FSTL1: variants seen among roughly 807,000 people sequenced by gnomAD.
FSTL1 encodes the protein follistatin like 1.
Under a neutral mutation model 45.9 loss-of-function variants are expected in FSTL1, and 24 were observed. The observed-to-expected ratio is 0.52, with a 90% CI of 0.38 to 0.74. The LOEUF (loss-of-function observed/expected upper bound fraction) is 0.74, where lower values mean the gene tolerates loss of function less well. Ranked by LOEUF, FSTL1 falls within the 30% of genes least tolerant of loss-of-function variation. FSTL1 has a pLI of 0.00. For missense variants in FSTL1, 340 were observed against 381.8 expected (o/e 0.89, Z 0.91); for synonymous variants, 120 against 137.6 (o/e 0.87, Z 0.89).
rs762925495 is a variant in FSTL1 at position 120,439,278 on chromosome 3, C to A, written c.63+11406G>T. Among the ~76,000 whole-genome samples the A allele has an allele frequency of 1.8e-4, 27 of 152,304 alleles. No homozygotes were observed. The Middle Eastern group carries it at 0.01, about 58-fold the overall frequency. ...AATTCAGCTGGAGGCTGAGGAAATT[C>A]TGCTAATCCAGCAATCAGAAGGAAG... On this transcript the variant is annotated intron_variant, in intron 2 of 10. Coordinates refer to ENST00000295633, the MANE Select transcript of FSTL1 (RefSeq NM_007085.5).
Position 120,430,332 on chromosome 3 carries a change from C to T in FSTL1, c.64-14305G>A, listed in dbSNP as rs560366200. On this transcript the variant is annotated intron_variant, in intron 2 of 10. Coordinates refer to ENST00000295633, the MANE Select transcript of FSTL1 (RefSeq NM_007085.5). ...TCAACCCTGGTTTAAGGCTGGGAGTCCCTGGGCCAACATGCCTAATTTATT... is the reference window on the plus strand; with the variant it reads ...TCAACCCTGGTTTAAGGCTGGGAGTTCCTGGGCCAACATGCCTAATTTATT... 8.5e-5 allele frequency among the ~76,000 whole-genome samples: 13 copies of T among 152,298 alleles called. 1 individual carries two copies. Among genetic ancestry groups the T allele is most frequent in the African/African-American group, 3.1e-4 (13 of 41,558 alleles).
At position 120,409,571 on chromosome 3, in the gene FSTL1, T is replaced by C. The variant is rs775869850; in HGVS notation, c.423A>G (p.Lys141=). 5 of 1,613,888 alleles carry C rather than the reference T, an allele frequency of 3.1e-6. No homozygotes were observed. The highest frequency in any genetic ancestry group is 1.3e-5 in the African/African-American group (1 of 74,944). ...CTAGGATTTCACTGTAGTTGCTGCC[T>C]TTAGAGAACCAGCCATCTGGAATGA... ...AEIIPDGWFS[K]GSNYSEILDK... Residue 141 remains lysine, a synonymous_variant, in exon 6 of 11, where the codon AAA becomes AAG. Coordinates refer to ENST00000295633, the MANE Select transcript of FSTL1 (RefSeq NM_007085.5).
intron 2 of FSTL1, among the ~76,000 whole-genome samples, chr3:120,435,382 C>A (rs1043585333): frequency 3.3e-5 from 5 of 152,210 alleles, no homozygotes; most frequent in African/African-American, 1.2e-4. Context: ...GAGTTTCCCA[C>A]GTGCATCACC....
intron 2 of FSTL1, among the ~76,000 whole-genome samples, chr3:120,439,366 C>T (rs139674182): frequency 1.3e-4 from 20 of 152,324 alleles, no homozygotes; most frequent in African/African-American, 4.3e-4. Context: ...ACTTGTGCAA[C>T]AGCCCAAAGT....
chr3:120,404,380 A>G (rs1242077092), intron 7 of FSTL1, among the ~76,000 whole-genome samples: 1 of 152,246 alleles, frequency 6.6e-6, no homozygotes, highest in African/African-American at 2.4e-5. Context: ...ATTAGTTTTT[A>G]TTAATATTGA....
At chr3:120,408,981 C>G (rs1440445624) in intron 6 of FSTL1, among the ~76,000 whole-genome samples, 2 of 152,172 alleles carry the variant, frequency 1.3e-5, no homozygotes, top group East Asian at 3.8e-4. Context: ...CTCCTGCTCC[C>G]AAGTGGAACA....
At chr3:120,442,254 C>T (rs948840013) in intron 2 of FSTL1, among the ~76,000 whole-genome samples, 6 of 152,282 alleles carry the variant, frequency 3.9e-5, no homozygotes, top group Middle Eastern at 3.4e-3. Flanking sequence ...AAAGTGACTT[C>T]GGGGAGGTTA....
rs1325858000 is a variant in FSTL1 at position 120,411,970 on chromosome 3, T to A, written c.182A>T (p.His61Leu). ...TCLCIEQCKP[H>L]KRPVCGSNGK... ...ATTACTGCCACACACAGGCCTCTTG[T>A]GAGGTTTGCATTGCTGAAACAGACC... Residue 61 changes from histidine to leucine, a missense_variant, in exon 4 of 11, where the codon CAC (histidine) becomes CTC (leucine). Transcript: ENST00000295633. The A allele has an allele frequency of 1.2e-6, 2 of 1,612,300 alleles. No homozygotes were observed. Among genetic ancestry groups the A allele is most frequent in the Admixed American group, 3.3e-5 (2 of 59,928 alleles).
chr3:120,432,175 C>G (rs1733297), intron 2 of FSTL1, among the ~76,000 whole-genome samples: 1 of 152,132 alleles, frequency 6.6e-6, no homozygotes, highest in Non-Finnish European at 1.5e-5. Context: ...CTTTTTAAAA[C>G]ATTTTCTTGG....
intron 5 of FSTL1, chr3:120,410,196 G>T (rs774426664): frequency 6.2e-6 from 1 of 161,316 alleles, no homozygotes; most frequent in Non-Finnish European, 1.4e-5. Flanking sequence ...GGGCTACGTC[G>T]AAGCCCTGCT....
chr3:120,428,050 A>G (rs2107664618), intron 2 of FSTL1, among the ~76,000 whole-genome samples: 1 of 152,298 alleles, frequency 6.6e-6, no homozygotes, highest in South Asian at 2.1e-4. Flanking sequence ...CCCCGCCCTT[A>G]CACTGTCTTC....
At chr3:120,435,731 G>A (rs960484722) in intron 2 of FSTL1, among the ~76,000 whole-genome samples, 2 of 152,150 alleles carry the variant, frequency 1.3e-5, no homozygotes, top group African/African-American at 4.8e-5. Context: ...TACATTCCAG[G>A]CCACTGTAAC....
Position 120,404,009 on chromosome 3 carries a change from C to A in FSTL1, c.582-655G>T, listed in dbSNP as rs562551712. ...AAAAAACAAAACAAACAAAAAAAAA[C>A]TCAGCTCCATCACTTCTTTCTTGGG... On this transcript the variant is annotated intron_variant, in intron 7 of 10. Transcript: ENST00000295633. Among the ~76,000 whole-genome samples, 19 of 141,084 alleles carry A rather than the reference C, an allele frequency of 1.3e-4. 1 individual carries two copies. The highest frequency in any genetic ancestry group is 8.1e-3 in the Middle Eastern group (2 of 248). The allele number at this position is 141,084 out of a possible 152,430, so 92.6% of individuals were successfully genotyped here. A position where few individuals can be genotyped will look rare whatever the true frequency, so the allele number is the denominator to read the frequency against.
chr3:120,437,573 T>G (rs1367020757), intron 2 of FSTL1, among the ~76,000 whole-genome samples: 2 of 152,194 alleles, frequency 1.3e-5, no homozygotes, highest in African/African-American at 4.8e-5. Flanking sequence ...TCTATTTGTG[T>G]GTGTGTGTGC....
At chr3:120,427,312 T>C (rs940401293) in intron 2 of FSTL1, among the ~76,000 whole-genome samples, 2 of 152,206 alleles carry the variant, frequency 1.3e-5, no homozygotes, top group Admixed American at 1.3e-4. Flanking sequence ...TTTATTTTTT[T>C]AAAAACAGAA....
intron 2 of FSTL1, among the ~76,000 whole-genome samples, chr3:120,447,586 G>A (rs563101373): frequency 1.3e-5 from 2 of 152,256 alleles, no homozygotes; most frequent in African/African-American, 2.4e-5. Flanking sequence ...GCAACCCTGA[G>A]GTGCCAAGGA....
intron 9 of FSTL1, 51 bp downstream of exon 9, chr3:120,402,757 C>T: frequency 3.5e-6 from 4 of 1,127,940 alleles, no homozygotes; most frequent in Non-Finnish European, 5.4e-6. Context: ...ATGCTGATTT[C>T]ATGAAGCTCT....
intron 7 of FSTL1, among the ~76,000 whole-genome samples, 168 bp downstream of exon 7, chr3:120,404,683 AAT>A (rs1936912017): frequency 6.6e-6 from 1 of 152,236 alleles, no homozygotes; most frequent in Admixed American, 6.5e-5. Context: ...AGTGGTACTC[AAT>A]ATATTAATTC....
At chr3:120,448,273 T>C (rs749588059) in intron 2 of FSTL1, among the ~76,000 whole-genome samples, 21 of 152,220 alleles carry the variant, frequency 1.4e-4, no homozygotes, top group Non-Finnish European at 2.6e-4. Context: ...AAATAGATTG[T>C]CACTAAGGAC....
Sources: allele counts gnomAD v4.1 joint callset (sites outside exome capture counted in the v4.1 genomes callset), GRCh38; gene constraint gnomAD v4.1.1; transcripts MANE v1.5; gene names NCBI Gene and HGNC (gene_info 2026-07-23, HGNC 2026-07-21).